LRPPRC: variants seen among roughly 807,000 people sequenced by gnomAD.
LRPPRC encodes leucine-rich PPR motif-containing protein, mitochondrial.
Under a neutral mutation model 180.3 loss-of-function variants are expected in LRPPRC, and 120 were observed. That is an observed-to-expected ratio of 0.67 (90% CI 0.57 to 0.77). LRPPRC has a LOEUF of 0.77. LRPPRC is among the 30% of genes least tolerant of loss of function. The probability of loss-of-function intolerance (pLI) is 0.00; values close to 1 mark genes in which losing one functional copy is unlikely to be tolerated. For synonymous variants in LRPPRC, 723 were observed against 600.0 expected (o/e 1.21, Z -3.00); for missense variants, 2,012 against 1,657.2 (o/e 1.21, Z -3.72).
chr2:43,947,401 T>C (rs1672727140), intron 19 of LRPPRC, 31 bp from the exon 20 acceptor site: 1 of 1,176,012 alleles, frequency 8.5e-7, no homozygotes, highest in African/African-American at 1.5e-5. Context: ...AAGAAAAATT[T>C]CCTGAAAAAG....
intron 29 of LRPPRC, among the ~76,000 whole-genome samples, chr2:43,914,386 T>C (rs1280397903): frequency 2.0e-5 from 3 of 152,188 alleles, no homozygotes; most frequent in Non-Finnish European, 2.9e-5. Context: ...ATTCATATTT[T>C]ACTAAACATT....
rs1211107673 is a variant in LRPPRC at position 43,979,856 on chromosome 2, G to C, written c.439C>G (p.His147Asp). ...TTCTGAAGTGTGTCCCATATCCTAT[G>C]AGCAAATTCTGTTCTCTCTTCAAGC... ...LKLEERTEFA[H>D]RIWDTLQKLG... The change falls in exon 3 of 38, where the codon CAT becomes GAT. Residue 147 changes from histidine (H) to aspartate (D), a missense_variant. By Grantham distance (81) the His-to-Asp change is moderately conservative. Coordinates refer to ENST00000260665, the MANE Select transcript of LRPPRC (RefSeq NM_133259.4). 1.2e-6 allele frequency: 2 copies of C among 1,613,132 alleles called. No homozygotes were observed. The highest frequency in any genetic ancestry group is 1.7e-6 in the Non-Finnish European group (2 of 1,179,212).
chr2:43,907,944 A>G (rs1671119093), intron 30 of LRPPRC, among the ~76,000 whole-genome samples: 1 of 152,180 alleles, frequency 6.6e-6, no homozygotes, highest in African/African-American at 2.4e-5. Context: ...AATATGGTAT[A>G]ATACATGTAA....
rs537292694 is a variant in LRPPRC, at chr2:43,917,895, C to G, written c.3148+130G>C. ...GTTTTCGTTAAAGTATGGAAGGGGA[C>G]AAGAAATATGTAAAATTTAAGTCCT... On this transcript the variant is annotated intron_variant, in intron 29 of 37. Transcript: ENST00000260665. 12 of 663,330 alleles carry G rather than the reference C, an allele frequency of 1.8e-5. No homozygotes were observed. In the Admixed American group the frequency reaches 3.2e-4, roughly 17 times the overall value. 41.1% of individuals were successfully genotyped at this position (663,330 alleles called of 1,614,324 possible).
chr2:43,970,670 T>C (rs1266454556), intron 11 of LRPPRC, among the ~76,000 whole-genome samples: 2 of 152,250 alleles, frequency 1.3e-5, no homozygotes, highest in Non-Finnish European at 2.9e-5. Context: ...ATGAGAATTA[T>C]AACAGCTCAC....
chr2:43,953,566 G>A (rs996921580), intron 14 of LRPPRC, among the ~76,000 whole-genome samples: 1 of 152,040 alleles, frequency 6.6e-6, no homozygotes, highest in Non-Finnish European at 1.5e-5. Flanking sequence ...ACCAATCTGT[G>A]GCTAGTTTTA....
In LRPPRC at chr2:43,947,774, T is replaced by A. The variant is rs757903670; in HGVS notation, c.1922A>T (p.Asp641Val). Residue 641 changes from aspartate (D) to valine (V), a missense_variant and splice_region_variant, in exon 19 of 38, where the codon GAT becomes GTT. Physicochemically the swap from Asp to Val is radical, Grantham distance 152 (BLOSUM62 -3). Transcript: ENST00000260665. ...ESYHVPELIK[D>V]AHLLVESKNL... The stretch of plus-strand genomic sequence containing the variant: ...CTTACTCTCAACCAACAAGTGAGCA[T>A]CCTAAAATTGAAATTTAAATTAGCC... 26 of 1,586,112 alleles carry A rather than the reference T, an allele frequency of 1.6e-5. No homozygotes were observed. The highest frequency in any genetic ancestry group is 1.0e-4 in the Admixed American group (6 of 59,930).
At chr2:43,909,130 G>C (rs991291408) in intron 30 of LRPPRC, among the ~76,000 whole-genome samples, 3 of 152,176 alleles carry the variant, frequency 2.0e-5, no homozygotes, top group Non-Finnish European at 2.9e-5. Context: ...TAGTTAGTTG[G>C]ATAATTCGTA....
chr2:43,979,343 A>G (rs995219750), intron 3 of LRPPRC, among the ~76,000 whole-genome samples: 2 of 152,144 alleles, frequency 1.3e-5, no homozygotes, highest in African/African-American at 4.8e-5. Flanking sequence ...TTGGCATATA[A>G]AGAGCTTCTT....
At chr2:43,900,920 G>A (rs190741749) in intron 32 of LRPPRC, among the ~76,000 whole-genome samples, 4 of 152,160 alleles carry the variant, frequency 2.6e-5, no homozygotes, top group Admixed American at 1.3e-4. Context: ...ATATGAATAC[G>A]GAAATGCACA....
rs1406308274 is a variant in LRPPRC, at chr2:43,950,701, A to T, written c.1650-101T>A. On this transcript the variant is annotated intron_variant, in intron 14 of 37. Coordinates refer to ENST00000260665, the MANE Select transcript of LRPPRC (RefSeq NM_133259.4). Reference sequence around the variant, plus strand: ...ATCAAAGTATTAAAATTAATAAGTAAATAAATGTTTGCTGTATCAGGATGA... The same window carrying T: ...ATCAAAGTATTAAAATTAATAAGTATATAAATGTTTGCTGTATCAGGATGA... The T allele has an allele frequency of 2.1e-5, 18 of 847,930 alleles. No homozygotes were observed. The Admixed American group carries it at 3.3e-4, about 16-fold the overall frequency. 52.5% of individuals were successfully genotyped at this position (847,930 alleles called of 1,614,324 possible).
In LRPPRC at chr2:43,948,030, C is replaced by T. The variant is rs919191326; in HGVS notation, c.1920+92G>A. 77 of 926,058 alleles carry T rather than the reference C, an allele frequency of 8.3e-5. No individual in the cohort carries two copies. In the Middle Eastern group the frequency reaches 1.3e-3, roughly 16 times the overall value. The allele number at this position is 926,058 out of a possible 1,614,324, so 57.4% of individuals were successfully genotyped here. On this transcript the variant is annotated intron_variant, in intron 18 of 37. Transcript: ENST00000260665. The stretch of plus-strand genomic sequence containing the variant: ...GCTGTCATTGAAACAAATTTTTTTT[C>T]TGACCAAAAGCATCATATTTAAATA...
chr2:43,916,238 C>A (rs1448329675), intron 29 of LRPPRC, among the ~76,000 whole-genome samples: 2 of 152,106 alleles, frequency 1.3e-5, no homozygotes, highest in African/African-American at 4.8e-5. Context: ...CTGAAGGAAT[C>A]ATTCTATGGA....
chr2:43,917,995 AC>A (rs760254916), intron 29 of LRPPRC, 29 bp downstream of exon 29: 3 of 735,266 alleles, frequency 4.1e-6, no homozygotes, highest in Non-Finnish European at 6.7e-6. Context: ...CCACCCCCCC[AC>A]ACACACCCCC....
At position 43,948,219 on chromosome 2, in the gene LRPPRC, G is replaced by C. The variant is rs757861084; in HGVS notation, c.1843-20C>G. On this transcript the variant is annotated intron_variant, in intron 17 of 37. Transcript: ENST00000260665. ...TACATTCTGTGAGAAGGGAAGGGAG[G>C]GGGGAAAAAACCTGAGTTTTAGACA... 1 of 1,415,564 alleles carries C rather than the reference G, an allele frequency of 7.1e-7. No individual in the cohort carries two copies. The highest frequency in any genetic ancestry group is 1.0e-6 in the Non-Finnish European group (1 of 999,264). The allele number at this position is 1,415,564 out of a possible 1,614,324, so 87.7% of individuals were successfully genotyped here.
At chr2:43,950,864 G>GT (rs1262211111) in intron 14 of LRPPRC, among the ~76,000 whole-genome samples, 1 of 152,194 alleles carries the variant, frequency 6.6e-6, no homozygotes, top group East Asian at 1.9e-4. Flanking sequence ...GAGGTCAGGA[G>GT]TTTGAGACCA....
At chr2:43,982,460 T>G (rs1487805812) in intron 1 of LRPPRC, 26 bp from the exon 2 acceptor site, 1 of 1,540,648 alleles carries the variant, frequency 6.5e-7, no homozygotes. Context: ...TAATTAATAA[T>G]AATCAGTTGC....
rs543968543 is a variant in LRPPRC at position 43,887,408 on chromosome 2, A to T, written c.*1192T>A. The T allele has an allele frequency of 6.6e-6, 1 of 152,228 alleles. No homozygotes were observed. The highest frequency in any genetic ancestry group is 2.4e-5 in the African/African-American group (1 of 41,420). 9.4% of individuals were successfully genotyped at this position (152,228 alleles called of 1,614,324 possible). A position where few individuals can be genotyped will look rare whatever the true frequency, so the allele number is the denominator to read the frequency against. ...CGGGCAGGTAGCAGATGCAGGAGAG[A>T]GAGTTCCACAAGACAGAAGGTCAAC... is the stretch of plus-strand genomic sequence containing the variant. On this transcript the variant is annotated 3_prime_UTR_variant, in exon 38 of 38. Transcript: ENST00000260665.
chr2:43,900,957 G>A (rs1239288158), intron 32 of LRPPRC, among the ~76,000 whole-genome samples: 3 of 152,090 alleles, frequency 2.0e-5, no homozygotes, highest in Non-Finnish European at 4.4e-5. Context: ...GGGGCCTTCT[G>A]CTTCACAATA....
Sources: gnomAD v4.1 joint callset for allele counts (sites outside exome capture counted in the v4.1 genomes callset) on GRCh38, gnomAD v4.1.1 for gene constraint, MANE v1.5 for transcripts, NCBI Gene and HGNC (gene_info 2026-07-23, HGNC 2026-07-21) for gene names.